The following VPS41 variants were observed in gnomAD, a reference collection of about 807,000 sequenced individuals.
VPS41 encodes vacuolar protein sorting-associated protein 41 homolog.
Under a neutral mutation model 130.9 loss-of-function variants are expected in VPS41, and 85 were observed. The observed-to-expected ratio is 0.65, with a 90% CI of 0.55 to 0.78. VPS41 has a LOEUF of 0.78. Ranked by LOEUF, VPS41 falls within the 30% of genes least tolerant of loss-of-function variation. VPS41 has a pLI of 0.00. For synonymous variants in VPS41, 335 were observed against 332.9 expected (o/e 1.01, Z -0.07); for missense variants, 874 against 1,018.7 (o/e 0.86, Z 1.93).
At chr7:38,778,796 A>T (rs1022249243) in intron 10 of VPS41, among the ~76,000 whole-genome samples, 2 of 152,184 alleles carry the variant, frequency 1.3e-5, no homozygotes, top group African/African-American at 2.4e-5. Flanking sequence ...CCCACTTGGG[A>T]TGCCAAATAG....
intron 12 of VPS41, 23 bp downstream of exon 12, chr7:38,774,092 G>T: frequency 1.3e-6 from 2 of 1,571,758 alleles, no homozygotes; most frequent in Non-Finnish European, 1.7e-6. Flanking sequence ...AAGCATATCA[G>T]CCAGATCTTT....
chr7:38,739,177 AC>A (rs1795831388), intron 25 of VPS41, among the ~76,000 whole-genome samples: 1 of 152,122 alleles, frequency 6.6e-6, no homozygotes, highest in East Asian at 1.9e-4. Context: ...CATTTCCCCA[AC>A]ATCTGACCAT....
intron 4 of VPS41, among the ~76,000 whole-genome samples, chr7:38,847,294 T>TA (rs3839726): frequency 0.24 from 35,402 of 149,934 alleles, 4,512 homozygotes; most frequent in South Asian, 0.45. Context: ...ATGGGTTTGG[T>TA]AAAAAAAAAA....
At chr7:38,837,526 C>T (rs1785520653) in intron 4 of VPS41, among the ~76,000 whole-genome samples, 1 of 152,152 alleles carries the variant, frequency 6.6e-6, no homozygotes, top group South Asian at 2.1e-4. Context: ...TGATTTTTGA[C>T]CTGTATCCTT....
intron 1 of VPS41, among the ~76,000 whole-genome samples, chr7:38,903,921 G>C (rs775154926): frequency 2.7e-4 from 41 of 152,028 alleles, no homozygotes; most frequent in Admixed American, 4.6e-4. Flanking sequence ...GTGTGCCCCA[G>C]CGTGGAAAAG....
At chr7:38,806,081 A>G (rs949857956) in intron 7 of VPS41, among the ~76,000 whole-genome samples, 1 of 152,230 alleles carries the variant, frequency 6.6e-6, no homozygotes, top group African/African-American at 2.4e-5. Flanking sequence ...AAATTCAAAT[A>G]TACTATAAAA....
intron 7 of VPS41, among the ~76,000 whole-genome samples, chr7:38,805,034 C>T (rs549668022): frequency 1.2e-4 from 19 of 152,210 alleles, no homozygotes; most frequent in Non-Finnish European, 2.2e-4. Context: ...AAGTCATCCA[C>T]TGGGTGATTA....
At chr7:38,881,968 AAC>A (rs1370722408) in intron 2 of VPS41, among the ~76,000 whole-genome samples, 1 of 152,170 alleles carries the variant, frequency 6.6e-6, no homozygotes, top group Non-Finnish European at 1.5e-5. Flanking sequence ...CAAGGTGTCA[AAC>A]ACACATTATC....
chr7:38,730,040 G>A (rs1160607601), intron 25 of VPS41, among the ~76,000 whole-genome samples: 4 of 152,068 alleles, frequency 2.6e-5, no homozygotes, highest in African/African-American at 9.7e-5. Flanking sequence ...GGCCCTATGT[G>A]TCTTATCATA....
chr7:38,734,123 C>T (rs1243349953), intron 25 of VPS41, among the ~76,000 whole-genome samples: 1 of 152,142 alleles, frequency 6.6e-6, no homozygotes, highest in Non-Finnish European at 1.5e-5. Context: ...TGAGGATAAA[C>T]CAGTCTTTTC....
chr7:38,759,320 A>G (rs1783867082), intron 17 of VPS41, among the ~76,000 whole-genome samples: 1 of 152,186 alleles, frequency 6.6e-6, no homozygotes, highest in African/African-American at 2.4e-5. Context: ...TGTGTAGCGG[A>G]AAAACCCAGA....
At position 38,724,604 on chromosome 7, in the gene VPS41, C is replaced by CTTTTTTTTTTTTT. The variant is rs368369559; in HGVS notation, c.*1641_*1642insAAAAAAAAAAAAA. 1.0e-3 allele frequency: 154 copies of CTTTTTTTTTTTTT among 148,518 alleles called. 3 individuals carry two copies. The highest frequency in any genetic ancestry group is 3.8e-3 in the East Asian group (19 of 4,948). 9.2% of individuals were successfully genotyped at this position (148,518 alleles called of 1,614,324 possible). A position where few individuals can be genotyped will look rare whatever the true frequency, so the allele number is the denominator to read the frequency against. ...CCTATGATTTCTTTTCTTTTCTTTT[C>CTTTTTTTTTTTTT]TTTTTTGAGACGGAGTTTTGCTCTT... On this transcript the variant is annotated 3_prime_UTR_variant, in exon 29 of 29. Transcript: ENST00000310301.
Position 38,741,978 on chromosome 7 carries a change from T to A in VPS41, c.2259+7A>T. 6.2e-7 allele frequency: 1 copy of A among 1,612,822 alleles called. No homozygotes were observed. Among genetic ancestry groups the A allele is most frequent in the Non-Finnish European group, 8.5e-7 (1 of 1,179,520 alleles). On this transcript the variant is annotated splice_region_variant and intron_variant, in intron 25 of 28. Transcript: ENST00000310301. ...AGATGCTCATTTGTCCAAGAAAGGATACTTACTTGCAAATTGTAGTCTTGC... is the reference window on the plus strand; with the variant it reads ...AGATGCTCATTTGTCCAAGAAAGGAAACTTACTTGCAAATTGTAGTCTTGC...
At chr7:38,866,037 T>A (rs766322814) in intron 3 of VPS41, among the ~76,000 whole-genome samples, 1 of 152,152 alleles carries the variant, frequency 6.6e-6, no homozygotes, top group Non-Finnish European at 1.5e-5. Context: ...TCACAGTATG[T>A]GCATTAGTTC....
intron 7 of VPS41, among the ~76,000 whole-genome samples, chr7:38,811,920 T>C (rs780793279): frequency 6.6e-6 from 1 of 152,160 alleles, no homozygotes; most frequent in Non-Finnish European, 1.5e-5. Context: ...ATAAATTACA[T>C]TATATATTCA....
At chr7:38,756,731 C>A in intron 19 of VPS41, 107 bp downstream of exon 19, 2 of 856,012 alleles carry the variant, frequency 2.3e-6, no homozygotes, top group Non-Finnish European at 3.4e-6. Flanking sequence ...GGCATAAAGC[C>A]AAGTTATGTG....
At chr7:38,893,170 A>G (rs370919449) in intron 2 of VPS41, among the ~76,000 whole-genome samples, 1 of 152,118 alleles carries the variant, frequency 6.6e-6, no homozygotes, top group African/African-American at 2.4e-5. Flanking sequence ...AACCGCACCA[A>G]TTTCCTTCAC....
chr7:38,869,546 T>C (rs919773133), intron 2 of VPS41, among the ~76,000 whole-genome samples: 2 of 152,194 alleles, frequency 1.3e-5, no homozygotes, highest in Non-Finnish European at 2.9e-5. Context: ...TCATAAACTA[T>C]TCTTAATCCT....
At chr7:38,881,108 C>A (rs62443565) in intron 2 of VPS41, among the ~76,000 whole-genome samples, 39,100 of 152,136 alleles carry the variant, frequency 0.26, 6,438 homozygotes, top group Non-Finnish European at 0.38. Flanking sequence ...TATGAAGCGA[C>A]ACAAATTTGT....
Sources: allele counts gnomAD v4.1 joint callset (sites outside exome capture counted in the v4.1 genomes callset), GRCh38; gene constraint gnomAD v4.1.1; transcripts MANE v1.5; gene names NCBI Gene and HGNC (gene_info 2026-07-23, HGNC 2026-07-21).